Variants in DRP2 observed in about 807,000 individuals in gnomAD.
The protein encoded by DRP2 is dystrophin-related protein 2.
Under a neutral mutation model 78.2 loss-of-function variants are expected in DRP2, and 29 were observed. That is an observed-to-expected ratio of 0.37 (90% CI 0.28 to 0.51). The LOEUF (loss-of-function observed/expected upper bound fraction) is 0.51. Among genes scored for constraint, DRP2 ranks in the 20% least tolerant of loss-of-function variants. DRP2 has a pLI of 0.94. For synonymous variants in DRP2, 290 were observed against 281.9 expected (o/e 1.03, Z -0.29); for missense variants, 686 against 770.6 (o/e 0.89, Z 1.30).
intron 9 of DRP2, among the ~76,000 whole-genome samples, chrX:101,243,259 C>T (rs1922798497): frequency 1.8e-5 from 2 of 110,001 alleles, no homozygotes; most frequent in Non-Finnish European, 3.8e-5. Flanking sequence ...AACTCCGTCT[C>T]TACTAAAAAT....
At chrX:101,255,562 G>T (rs186800418) in intron 20 of DRP2, among the ~76,000 whole-genome samples, 32 of 111,506 alleles carry the variant, frequency 2.9e-4, no homozygotes, top group Middle Eastern at 4.6e-3. Context: ...ATCTGAAGTT[G>T]CAGAAAGGAG....
chrX:101,225,798 A>C (rs1006285850), intron 2 of DRP2, among the ~76,000 whole-genome samples: 1 of 111,991 alleles, frequency 8.9e-6, no homozygotes, highest in Non-Finnish European at 1.9e-5. Flanking sequence ...TTTATCTCCT[A>C]TTGGCAACAT....
intron 19 of DRP2, 120 bp downstream of exon 19, chrX:101,255,044 C>T: frequency 9.5e-7 from 1 of 1,047,658 alleles, no homozygotes; most frequent in Non-Finnish European, 1.3e-6. Context: ...GTGGGGTGTG[C>T]AGCAGCCAGC....
chrX:101,254,990 AG>A, intron 19 of DRP2, 66 bp downstream of exon 19: 2 of 1,180,233 alleles, frequency 1.7e-6, no homozygotes, highest in Non-Finnish European at 2.3e-6. Context: ...AAGGATCTTC[AG>A]TCGGGGCAAG....
At position 101,239,134 on chromosome X, in the gene DRP2, T is replaced by C. The variant is rs1009549693; in HGVS notation, c.559+33T>C. 3 of 1,198,230 alleles carry C rather than the reference T, an allele frequency of 2.5e-6. No homozygotes were observed. In the African/African-American group the frequency reaches 5.3e-5, roughly 21 times the overall value. ...GTCTTCTGTTTTTCCCACTTCTTCT[T>C]GAGCCATGTACTGCTGAATGCTGAA... On this transcript the variant is annotated intron_variant, in intron 6 of 23. Transcript: ENST00000395209.
intron 3 of DRP2, among the ~76,000 whole-genome samples, chrX:101,233,994 C>T (rs1186412639): frequency 8.9e-6 from 1 of 111,859 alleles, no homozygotes; most frequent in East Asian, 2.8e-4. Flanking sequence ...AATCTCCTGG[C>T]CTCTGCACTC....
rs1923525005 is a variant in DRP2, at chrX:101,260,777, G to A, written c.*156G>A. 1 of 666,849 alleles carries A rather than the reference G, an allele frequency of 1.5e-6. No individual in the cohort carries two copies. The highest frequency in any genetic ancestry group is 3.6e-5 in the Admixed American group (1 of 27,716). 55.0% of individuals were successfully genotyped at this position (666,849 alleles called of 1,213,427 possible). The stretch of plus-strand genomic sequence containing the variant: ...GGCAGCAGCAGGGATCTGGTGGTAT[G>A]TGAGGTGCATGCGGGCAGTGATGGG... On this transcript the variant is annotated 3_prime_UTR_variant, in exon 24 of 24. Coordinates refer to ENST00000395209, the MANE Select transcript of DRP2 (RefSeq NM_001939.3).
chrX:101,223,051 C>G (rs916918509), intron 1 of DRP2, among the ~76,000 whole-genome samples: 2 of 111,915 alleles, frequency 1.8e-5, no homozygotes, highest in Admixed American at 1.9e-4. Context: ...AGATCTTGCA[C>G]TGTTATCCAG....
intron 6 of DRP2, among the ~76,000 whole-genome samples, chrX:101,240,798 G>C (rs1294714216): frequency 1.8e-5 from 2 of 112,342 alleles, no homozygotes; most frequent in Non-Finnish European, 3.8e-5. Context: ...GGGAGGGCTA[G>C]TACTTAATTT....
Position 101,248,173 on chromosome X carries a change from A to C in DRP2, c.1337A>C (p.Glu446Ala), listed in dbSNP as rs1188228045. The C allele has an allele frequency of 1.7e-6, 2 of 1,209,877 alleles. No individual in the cohort carries two copies. The highest frequency in any genetic ancestry group is 4.4e-5 in the Admixed American group (2 of 45,759). Residue 446 changes from glutamate to alanine, a missense_variant, in exon 13 of 24, where the codon GAG becomes GCG. By Grantham distance (107) the Glu-to-Ala change is moderately radical. Coordinates refer to ENST00000395209, the MANE Select transcript of DRP2 (RefSeq NM_001939.3). ...QASEHVMDVVEVIHCLTALYE... is the reference protein window; with the variant it reads ...QASEHVMDVVAVIHCLTALYE... Reference sequence around the variant, plus strand: ...AGTGAGCACGTGATGGATGTGGTAGAGGTCATTCACTGCCTGACTGCCTTA... The same window carrying C: ...AGTGAGCACGTGATGGATGTGGTAGCGGTCATTCACTGCCTGACTGCCTTA...
chrX:101,242,149 G>A lies in DRP2; in HGVS notation c.829-176G>A, dbSNP rs1169324631. Reference sequence around the variant, plus strand: ...TTCCTGGTGTTTTCTGAGGATGAGAGGAAGAGGATAAGGACAGTGGCCGCC... The same window carrying A: ...TTCCTGGTGTTTTCTGAGGATGAGAAGAAGAGGATAAGGACAGTGGCCGCC... On this transcript the variant is annotated intron_variant, in intron 7 of 23. Transcript: ENST00000395209. Among the ~76,000 whole-genome samples the A allele has an allele frequency of 7.2e-5, 8 of 111,813 alleles. No individual in the cohort carries two copies. The Admixed American group carries it at 7.6e-4, about 11-fold the overall frequency.
At chrX:101,258,652 A>T in intron 22 of DRP2, 106 bp downstream of exon 22, 3 of 696,866 alleles carry the variant, frequency 4.3e-6, no homozygotes, top group Non-Finnish European at 6.3e-6. Flanking sequence ...GCTCCTTGGC[A>T]GTGGCTGTCA....
chrX:101,242,790 A>G, intron 8 of DRP2, 114 bp from the exon 9 acceptor site: 2 of 742,162 alleles, frequency 2.7e-6, no homozygotes. Context: ...GAGAGGCTGG[A>G]ACCAGAGAAA....
chrX:101,255,695 C>A (rs943951953), intron 20 of DRP2, among the ~76,000 whole-genome samples: 2 of 110,856 alleles, frequency 1.8e-5, no homozygotes, highest in Admixed American at 1.9e-4. Flanking sequence ...AGAGAAGGGG[C>A]CTTGTGTCTC....
In DRP2 at chrX:101,248,238, G is replaced by A. The variant is rs1315075734; in HGVS notation, c.1402G>A (p.Val468Met). Residue 468 changes from valine to methionine, a missense_variant, in exon 13 of 24, where the codon GTG becomes ATG. By Grantham distance (21) the Val-to-Met change is conservative (BLOSUM62 1). Transcript: ENST00000395209. ...GGAGGAAAGAGGCATCCTGGTCAAC[G>A]TGCCACTCTGTGTGGACATGAGCCT... Reference protein sequence around the residue: ...LEEERGILVNVPLCVDMSLNW... With the variant: ...LEEERGILVNMPLCVDMSLNW... 3 of 1,209,777 alleles carry A rather than the reference G, an allele frequency of 2.5e-6. No homozygotes were observed. The highest frequency in any genetic ancestry group is 3.4e-6 in the Non-Finnish European group (3 of 895,285).
chrX:101,225,382 G>T (rs1191830479), intron 2 of DRP2, among the ~76,000 whole-genome samples: 1 of 111,255 alleles, frequency 9.0e-6, no homozygotes, highest in East Asian at 2.8e-4. Flanking sequence ...ATAGCATAAT[G>T]ATAAATAACT....
intron 2 of DRP2, 150 bp from the exon 3 acceptor site, chrX:101,231,431 TTAAA>T (rs780553240): frequency 1.1e-4 from 46 of 435,769 alleles, no homozygotes; most frequent in Non-Finnish European, 1.7e-4. Flanking sequence ...TGGTCAATAA[TTAAA>T]TAAAGTATTT....
At chrX:101,237,800 GGT>G in intron 5 of DRP2, 25 bp downstream of exon 5, 1 of 1,098,108 alleles carries the variant, frequency 9.1e-7, no homozygotes, top group East Asian at 3.2e-5. Flanking sequence ...GAGAAGCCGT[GGT>G]GTGTAGCCTC....
At chrX:101,240,480 C>T (rs1445013721) in intron 6 of DRP2, among the ~76,000 whole-genome samples, 1 of 112,644 alleles carries the variant, frequency 8.9e-6, no homozygotes, top group Non-Finnish European at 1.9e-5. Context: ...AAGTGATCGG[C>T]CTGCTTGGCC....
Sources: gnomAD v4.1 joint callset for allele counts (sites outside exome capture counted in the v4.1 genomes callset) on GRCh38, gnomAD v4.1.1 for gene constraint, MANE v1.5 for transcripts, NCBI Gene and HGNC (gene_info 2026-07-23, HGNC 2026-07-21) for gene names.